Variants in TMEM140 observed in about 807,000 individuals in gnomAD.
TMEM140 encodes transmembrane protein 140.
For missense variants in TMEM140, 236 were observed against 228.5 expected, an observed-to-expected ratio of 1.03 and a Z score of -0.21; for synonymous variants, 107 against 106.8, an observed-to-expected ratio of 1.00 and a Z score of -0.01.
chr7:135,161,619 C>T lies in TMEM140; in HGVS notation c.-24-2799C>T, dbSNP rs1348892128. 2.6e-5 allele frequency among the ~76,000 whole-genome samples: 4 copies of T among 152,232 alleles called. No homozygotes were observed. Among genetic ancestry groups the T allele is most frequent in the Admixed American group, 6.5e-5 (1 of 15,288 alleles). ...GTTCCCGTCGGCAATTTTTCCCATA[C>T]CATGGACTCAAATGGTTAAAACTCC... On this transcript the variant is annotated intron_variant, in intron 1 of 1. Coordinates refer to ENST00000275767, the MANE Select transcript of TMEM140 (RefSeq NM_018295.5). This position sits in a 1 kb window ranked among gnomAD's most constrained non-coding sequence, Gnocchi z 4.1.
At chr7:135,149,965 A>T (rs1431845019) in intron 1 of TMEM140, among the ~76,000 whole-genome samples, 1 of 152,190 alleles carries the variant, frequency 6.6e-6, no homozygotes, top group Non-Finnish European at 1.5e-5. Flanking sequence ...TTTTTGGTGA[A>T]TAGAAATCTT....
intron 1 of TMEM140, among the ~76,000 whole-genome samples, chr7:135,163,312 A>C (rs1475836129): frequency 6.6e-6 from 1 of 152,228 alleles, no homozygotes; most frequent in Non-Finnish European, 1.5e-5. Flanking sequence ...TATGTGTATG[A>C]TGGGATAAAA....
chr7:135,158,656 C>G (rs1234100406), intron 1 of TMEM140, among the ~76,000 whole-genome samples: 1 of 152,196 alleles, frequency 6.6e-6, no homozygotes, highest in East Asian at 1.9e-4. Flanking sequence ...CAAAATGCTA[C>G]CTTGGGCCTG....
At chr7:135,156,728 G>A (rs1265425234) in intron 1 of TMEM140, among the ~76,000 whole-genome samples, 1 of 151,910 alleles carries the variant, frequency 6.6e-6, no homozygotes, top group Non-Finnish European at 1.5e-5. Flanking sequence ...TCTTTGATTG[G>A]GATCTGCTGC....
rs571059558 is a variant in TMEM140 at position 135,161,154 on chromosome 7, C to A, written c.-24-3264C>A. 1.3e-5 allele frequency among the ~76,000 whole-genome samples: 2 copies of A among 152,310 alleles called. No homozygotes were observed. Among genetic ancestry groups the A allele is most frequent in the East Asian group, 3.9e-4 (2 of 5,184 alleles). On this transcript the variant is annotated intron_variant, in intron 1 of 1. Coordinates refer to ENST00000275767, the MANE Select transcript of TMEM140 (RefSeq NM_018295.5). The surrounding 1 kb of genome is among the most constrained non-coding windows in gnomAD (Gnocchi z 4.1). ...CACCACCTTCTCCACATGCCTGGTC[C>A]TGGGCTTCTTGGCTCGTTTTGTTTT...
intron 1 of TMEM140, among the ~76,000 whole-genome samples, chr7:135,157,772 T>C (rs1180616758): frequency 6.6e-6 from 1 of 152,192 alleles, no homozygotes; most frequent in Non-Finnish European, 1.5e-5. Context: ...TGGGCACTGT[T>C]CTAAGTGTGC....
intron 1 of TMEM140, among the ~76,000 whole-genome samples, chr7:135,149,414 C>A (rs1407375578): frequency 6.6e-6 from 1 of 152,178 alleles, no homozygotes; most frequent in African/African-American, 2.4e-5. Context: ...ATCCTTGATA[C>A]ATCATAGTTT....
In TMEM140 at chr7:135,153,456, CA is replaced by C. The variant is rs55776467; in HGVS notation, c.-25+5206del. On this transcript the variant is annotated intron_variant, in intron 1 of 1. Transcript: ENST00000275767. ...GCAACACAGCAAGACTCCATCTCCA[CA>C]AAAAAAAAAAAAAAAAAAAGTCTAA... is the stretch of plus-strand genomic sequence containing the variant. Among the ~76,000 whole-genome samples the C allele has an allele frequency of 4.3e-3, 353 of 81,342 alleles. 2 individuals are homozygous for C. The highest frequency in any genetic ancestry group is 0.02 in the Middle Eastern group (2 of 102). The allele number at this position is 81,342 out of a possible 152,430, so 53.4% of individuals were successfully genotyped here.
chr7:135,159,228 C>T (rs1829868640), intron 1 of TMEM140, among the ~76,000 whole-genome samples: 1 of 152,218 alleles, frequency 6.6e-6, no homozygotes, highest in Non-Finnish European at 1.5e-5. Flanking sequence ...GATCCACTTA[C>T]TATTCTGGTT....
Position 135,164,849 on chromosome 7 carries a change from C to CA in TMEM140, c.408_409insA (p.Tyr137IlefsTer40). 1.9e-6 allele frequency: 3 copies of CA among 1,614,006 alleles called. No homozygotes were observed. The highest frequency in any genetic ancestry group is 2.5e-6 in the Non-Finnish European group (3 of 1,179,888). ...CAGGCGGCCTGGGCCTCTTCCTCTC[C>CA]TATGTGTGGAAGTGGGTCAGGCTCT... On this transcript the variant is annotated frameshift_variant, in exon 2 of 2. Coordinates refer to ENST00000275767, the MANE Select transcript of TMEM140 (RefSeq NM_018295.5). LOFTEE classifies it low-confidence loss of function (END_TRUNC).
intron 1 of TMEM140, among the ~76,000 whole-genome samples, chr7:135,159,453 C>T (rs1829874721): frequency 6.6e-6 from 1 of 152,178 alleles, no homozygotes; most frequent in Admixed American, 6.5e-5. Flanking sequence ...AAATTAATCT[C>T]CTGAGAATAC....
intron 1 of TMEM140, among the ~76,000 whole-genome samples, chr7:135,149,525 C>A (rs78491128): frequency 6.6e-6 from 1 of 152,134 alleles, no homozygotes. Context: ...TTTCTGATTG[C>A]TGTCTTAGGA....
At chr7:135,163,013 A>G (rs1172190300) in intron 1 of TMEM140, among the ~76,000 whole-genome samples, 1 of 152,250 alleles carries the variant, frequency 6.6e-6, no homozygotes, top group Non-Finnish European at 1.5e-5. Flanking sequence ...CCTTGATCCA[A>G]TGATTGCACT....
chr7:135,161,766 G>A lies in TMEM140; in HGVS notation c.-24-2652G>A, dbSNP rs554668984. 2.3e-4 allele frequency among the ~76,000 whole-genome samples: 35 copies of A among 152,066 alleles called. No homozygotes were observed. Among genetic ancestry groups the A allele is most frequent in the Non-Finnish European group, 4.3e-4 (29 of 68,014 alleles). ...GAGTCTTCAGACCCTTGGCCCTCTG[G>A]GACCTCCAGAGCCTTTGACAGTGCC... On this transcript the variant is annotated intron_variant, in intron 1 of 1. Coordinates refer to ENST00000275767, the MANE Select transcript of TMEM140 (RefSeq NM_018295.5). The surrounding 1 kb of genome is among the most constrained non-coding windows in gnomAD (Gnocchi z 4.1).
At chr7:135,157,697 T>C (rs1298859708) in intron 1 of TMEM140, among the ~76,000 whole-genome samples, 1 of 152,250 alleles carries the variant, frequency 6.6e-6, no homozygotes, top group East Asian at 1.9e-4. Context: ...ATGTTGGTGT[T>C]GCTGGAAGCT....
intron 1 of TMEM140, among the ~76,000 whole-genome samples, chr7:135,157,428 C>T (rs1361360110): frequency 6.6e-6 from 1 of 152,246 alleles, no homozygotes; most frequent in Non-Finnish European, 1.5e-5. Flanking sequence ...TGGATGCCAA[C>T]TGAGCAGCCT....
At chr7:135,164,387 A>AGATG in intron 1 of TMEM140, 31 bp from the exon 2 acceptor site, 1 of 1,512,448 alleles carries the variant, frequency 6.6e-7, no homozygotes, top group Non-Finnish European at 9.1e-7. Flanking sequence ...AGCAAGGGAG[A>AGATG]GATGGACTGA....
chr7:135,150,673 G>C (rs1197016566), intron 1 of TMEM140, among the ~76,000 whole-genome samples: 2 of 152,188 alleles, frequency 1.3e-5, no homozygotes, highest in African/African-American at 4.8e-5. Context: ...TGAATCTTGT[G>C]AATCTTGGCC....
chr7:135,159,593 T>G (rs931594685), intron 1 of TMEM140, among the ~76,000 whole-genome samples: 3 of 152,246 alleles, frequency 2.0e-5, no homozygotes, highest in African/African-American at 7.2e-5. Flanking sequence ...GGAATCTAAA[T>G]CTGCATCTTG....
Sources: gnomAD v4.1 joint callset for allele counts (sites outside exome capture counted in the v4.1 genomes callset) on GRCh38, gnomAD v4.1.1 for gene constraint, Gnocchi (gnomAD v3.1) non-coding constraint, MANE v1.5 for transcripts, NCBI Gene and HGNC (gene_info 2026-07-23, HGNC 2026-07-21) for gene names.